The following BCKDHB variants were observed in gnomAD, a reference collection of about 807,000 sequenced individuals.
BCKDHB encodes branched chain keto acid dehydrogenase E1 subunit beta.
BCKDHB carries 41 observed loss-of-function variants against 48.5 expected under a neutral mutation model. That is an observed-to-expected ratio of 0.85 (90% confidence interval 0.66 to 1.10). BCKDHB has a LOEUF of 1.10. Among genes scored for constraint, BCKDHB ranks in the 50% least tolerant of loss-of-function variants. The probability of loss-of-function intolerance (pLI) is 0.00; values close to 1 mark genes in which losing one functional copy is unlikely to be tolerated. For synonymous variants in BCKDHB, 201 were observed against 174.8 expected (o/e 1.15, Z -1.18); for missense variants, 496 against 494.2 (o/e 1.00, Z -0.03).
At chr6:80,370,596 T>C in the BCKDHB span, among the ~76,000 whole-genome samples, 2 of 152,152 alleles carry the variant, frequency 1.3e-5, no homozygotes, top group East Asian at 1.9e-4. Context: ...ATCATTCTTA[T>C]TCCTTTGCAA....
chr6:80,183,429 T>A (rs192917334), intron 6 of BCKDHB, among the ~76,000 whole-genome samples: 25 of 152,308 alleles, frequency 1.6e-4, no homozygotes, highest in Admixed American at 1.6e-3. Flanking sequence ...TGCCGTTTTT[T>A]AATTAAGAGT....
At chr6:80,424,794 T>A in the BCKDHB span, among the ~76,000 whole-genome samples, 3 of 152,172 alleles carry the variant, frequency 2.0e-5, no homozygotes, top group African/African-American at 7.2e-5. Context: ...CAAAGGGTAT[T>A]TTTGGGTAAT....
intron 1 of BCKDHB, among the ~76,000 whole-genome samples, chr6:80,110,384 C>A (rs1769351162): frequency 2.0e-5 from 3 of 152,178 alleles, no homozygotes; most frequent in Admixed American, 1.3e-4. Flanking sequence ...CCAGGAAATT[C>A]AAACTTTTTG....
At chr6:80,279,738 C>CT (rs1778122449) in intron 9 of BCKDHB, among the ~76,000 whole-genome samples, 1 of 152,042 alleles carries the variant, frequency 6.6e-6, no homozygotes. Flanking sequence ...TATAACCATC[C>CT]TTTATTAAGT....
chr6:80,340,691 T>C (rs1769842992), intron 9 of BCKDHB, among the ~76,000 whole-genome samples: 1 of 152,224 alleles, frequency 6.6e-6, no homozygotes, highest in South Asian at 2.1e-4. Flanking sequence ...TTGCTATGGT[T>C]ATGGCGTCAT....
chr6:80,307,372 A>ATTC (rs1259767040), intron 9 of BCKDHB: 1 of 944,296 alleles, frequency 1.1e-6, no homozygotes, highest in Non-Finnish European at 1.3e-6. Flanking sequence ...AATTGTTTAT[A>ATTC]TTCTTTTTTC....
chr6:80,117,363 A>C (rs1769759325), intron 1 of BCKDHB, among the ~76,000 whole-genome samples: 1 of 152,220 alleles, frequency 6.6e-6, no homozygotes, highest in Non-Finnish European at 1.5e-5. Context: ...CTCCCTACTA[A>C]TAACTTGCTG....
chr6:80,413,885 C>T, the BCKDHB span, among the ~76,000 whole-genome samples: 2 of 152,146 alleles, frequency 1.3e-5, no homozygotes, highest in African/African-American at 2.4e-5. Flanking sequence ...CACTGTCTTC[C>T]ACAATGGTTG....
the BCKDHB span, among the ~76,000 whole-genome samples, chr6:80,364,939 G>C: frequency 6.6e-6 from 1 of 152,136 alleles, no homozygotes; most frequent in African/African-American, 2.4e-5. Context: ...GGGCTACTGG[G>C]GGTGACATCA....
the BCKDHB span, among the ~76,000 whole-genome samples, chr6:80,387,381 A>G: frequency 1.3e-5 from 2 of 150,754 alleles, no homozygotes; most frequent in South Asian, 4.3e-4. Context: ...AATAGTAATC[A>G]AAAACAATAT....
chr6:80,317,798 C>T (rs1768525435), intron 9 of BCKDHB, among the ~76,000 whole-genome samples: 1 of 152,196 alleles, frequency 6.6e-6, no homozygotes, highest in Non-Finnish European at 1.5e-5. Context: ...TCTCTTCTAC[C>T]TCACCACAGT....
At chr6:80,437,224 A>C in the BCKDHB span, among the ~76,000 whole-genome samples, 1 of 152,214 alleles carries the variant, frequency 6.6e-6, no homozygotes, top group South Asian at 2.1e-4. Flanking sequence ...AGTAAAGAAA[A>C]AAAAATTCTT....
At chr6:80,107,530 CATAT>C (rs771203556) in intron 1 of BCKDHB, among the ~76,000 whole-genome samples, 3 of 116,782 alleles carry the variant, frequency 2.6e-5, no homozygotes, top group Non-Finnish European at 4.8e-5. Context: ...TATATATATG[CATAT>C]ATATATATGC....
chr6:80,395,986 ACCT>A, the BCKDHB span, among the ~76,000 whole-genome samples: 3 of 152,132 alleles, frequency 2.0e-5, no homozygotes, highest in Admixed American at 1.3e-4. Context: ...AGGTTTGAGA[ACCT>A]CCTCCTAGAT....
At chr6:80,145,951 A>G (rs1771464163) in intron 3 of BCKDHB, among the ~76,000 whole-genome samples, 1 of 152,152 alleles carries the variant, frequency 6.6e-6, no homozygotes, top group African/African-American at 2.4e-5. Flanking sequence ...CATCCTAGGA[A>G]GGTAGATGCC....
intron 8 of BCKDHB, among the ~76,000 whole-genome samples, chr6:80,216,588 A>G (rs1775182661): frequency 6.6e-6 from 1 of 152,056 alleles, no homozygotes; most frequent in Admixed American, 6.5e-5. Context: ...TCAAGTTTTC[A>G]TTTTGTTTAA....
At chr6:80,449,317 C>A in the BCKDHB span, among the ~76,000 whole-genome samples, 1 of 152,046 alleles carries the variant, frequency 6.6e-6, no homozygotes, top group Non-Finnish European at 1.5e-5. Flanking sequence ...ACTTGTTATT[C>A]ATTTGTTCAT....
At chr6:80,173,228 T>C (rs1463224080) in intron 6 of BCKDHB, among the ~76,000 whole-genome samples, 3 of 152,164 alleles carry the variant, frequency 2.0e-5, no homozygotes, top group Non-Finnish European at 4.4e-5. Flanking sequence ...CTGGGAGAGA[T>C]TATGAAAGAC....
the BCKDHB span, among the ~76,000 whole-genome samples, chr6:80,434,032 G>A: frequency 6.6e-6 from 1 of 152,080 alleles, no homozygotes; most frequent in East Asian, 1.9e-4. Context: ...CTCTTTATTT[G>A]GGAGGCATCT....
Sources: allele counts gnomAD v4.1 joint callset (sites outside exome capture counted in the v4.1 genomes callset), GRCh38; gene constraint gnomAD v4.1.1; transcripts MANE v1.5; gene names NCBI Gene and HGNC (gene_info 2026-07-23, HGNC 2026-07-21).